Variants in CHD7 observed in about 807,000 individuals in gnomAD.
CHD7 encodes chromodomain helicase DNA binding protein 7, also known as ATP-dependent chromatin remodeler CHD7.
Under a neutral mutation model 307.3 loss-of-function variants are expected in CHD7, and 24 were observed. The ratio of observed to expected loss-of-function variants is 0.08; its 90% confidence interval spans 0.06 to 0.11. The LOEUF is 0.11. CHD7 is among the 10% of genes least tolerant of loss of function. The probability of loss-of-function intolerance (pLI) is 1.00; values close to 1 mark genes in which losing one functional copy is unlikely to be tolerated. For synonymous variants in CHD7, 1,363 were observed against 1,349.9 expected (o/e 1.01, Z -0.21); for missense variants, 3,106 against 3,727.1 (o/e 0.83, Z 4.34).
chr8:60,696,040 A>AT (rs1183714040), intron 1 of CHD7, among the ~76,000 whole-genome samples: 3 of 152,236 alleles, frequency 2.0e-5, no homozygotes, highest in Admixed American at 6.5e-5. Flanking sequence ...ACATTGAAAA[A>AT]TTGAGAATGG....
rs1805169361 is a variant in CHD7, at chr8:60,845,550, C to A, written c.5210+141C>A. On this transcript the variant is annotated intron_variant, in intron 23 of 37. Coordinates refer to ENST00000423902, the MANE Select transcript of CHD7 (RefSeq NM_017780.4). The stretch of plus-strand genomic sequence containing the variant: ...CTGAGGGACCTGAGCATCTGCGGAT[C>A]TTGGTGTCTGAGGGGGGTCCTGGAA... The A allele has an allele frequency of 4.5e-6, 4 of 891,566 alleles. No homozygotes were observed. In the South Asian group the frequency reaches 5.2e-5, roughly 12 times the overall value. 55.2% of individuals were successfully genotyped at this position (891,566 alleles called of 1,614,324 possible).
chr8:60,852,677 T>C lies in CHD7; in HGVS notation c.6074T>C (p.Val2025Ala). Reference protein sequence around the residue: ...FSCFVAMCRRVCRMPVKPDDE... With the variant: ...FSCFVAMCRRACRMPVKPDDE... ...TGTTTTGTGGCCATGTGTAGGCGAG[T>C]ATGTCGAATGCCCGTCAAGCCAGAT... The change falls in exon 30 of 38, where the codon GTA (valine) becomes GCA (alanine). Residue 2025 changes from valine to alanine, a missense_variant. By Grantham distance (64) the Val-to-Ala change is moderately conservative (BLOSUM62 0). This residue lies in a region of CHD7 where 1,030 missense variants were observed against 1,165.4 expected (regional missense o/e 0.88). Coordinates refer to ENST00000423902, the MANE Select transcript of CHD7 (RefSeq NM_017780.4). 1 of 1,613,802 alleles carries C rather than the reference T, an allele frequency of 6.2e-7. No individual in the cohort carries two copies. Among genetic ancestry groups the C allele is most frequent in the Non-Finnish European group, 8.5e-7 (1 of 1,179,864 alleles).
chr8:60,862,031 T>A (rs1011399443), intron 35 of CHD7, 165 bp from the exon 36 acceptor site: 7 of 565,790 alleles, frequency 1.2e-5, no homozygotes, highest in Admixed American at 3.7e-5. Flanking sequence ...AAAATAGGAG[T>A]TTTTTCTTTC....
intron 3 of CHD7, among the ~76,000 whole-genome samples, chr8:60,785,770 C>T (rs1563598887): frequency 6.6e-6 from 1 of 151,920 alleles, no homozygotes; most frequent in South Asian, 2.1e-4. Context: ...CAGATATCTT[C>T]CTGTCAGGTA....
At chr8:60,859,258 A>G (rs1010206260) in intron 34 of CHD7, among the ~76,000 whole-genome samples, 2 of 152,222 alleles carry the variant, frequency 1.3e-5, no homozygotes, top group African/African-American at 4.8e-5. Context: ...TAAACCAAGT[A>G]GGAAAAGATG....
In CHD7 at chr8:60,836,061, C is replaced by CA. The variant is rs761454141; in HGVS notation, c.3779-10dup. 6.3e-7 allele frequency: 1 copy of CA among 1,591,340 alleles called. No homozygotes were observed. Among genetic ancestry groups the CA allele is most frequent in the South Asian group, 1.1e-5 (1 of 88,476 alleles). ...TTTACAGTATTCACGTTATGCTGTC[C>CA]AATCTCTGCAGGTGCTGAAGAGAAA... On this transcript the variant is annotated splice_polypyrimidine_tract_variant and intron_variant, in intron 15 of 37. Transcript: ENST00000423902.
chr8:60,751,843 G>A lies in CHD7; in HGVS notation c.1665+8746G>A, dbSNP rs142595743. Among the ~76,000 whole-genome samples the A allele has an allele frequency of 7.4e-3, 1,120 of 152,278 alleles. 46 individuals are homozygous for A. The highest frequency in any genetic ancestry group is 0.064 in the Admixed American group (977 of 15,302). On this transcript the variant is annotated intron_variant, in intron 2 of 37. Coordinates refer to ENST00000423902, the MANE Select transcript of CHD7 (RefSeq NM_017780.4). The stretch of plus-strand genomic sequence containing the variant: ...GGCAAAATGCCAAGAAATTGACAGC[G>A]TTGCATTTAAAAAAGTCAACGTAGA...
At chr8:60,680,631 C>T (rs959598208) in intron 1 of CHD7, among the ~76,000 whole-genome samples, 9 of 152,164 alleles carry the variant, frequency 5.9e-5, no homozygotes, top group African/African-American at 2.2e-4. Context: ...GGAGAGTGCT[C>T]CTGCTATGGG....
chr8:60,710,396 A>G (rs1807227169), intron 1 of CHD7, among the ~76,000 whole-genome samples: 1 of 152,150 alleles, frequency 6.6e-6, no homozygotes, highest in South Asian at 2.1e-4. Flanking sequence ...TTCACTCAAG[A>G]CACCCCATTT....
chr8:60,787,473 G>A lies in CHD7; in HGVS notation c.2096+6043G>A, dbSNP rs1402624991. Among the ~76,000 whole-genome samples, 4 of 152,266 alleles carry A rather than the reference G, an allele frequency of 2.6e-5. No homozygotes were observed. The South Asian group carries it at 6.2e-4, about 24-fold the overall frequency. ...CACTATGATAAAAGGCCATTGAAAG[G>A]CCTATTTTTTATATAGTTTTGTAGT... On this transcript the variant is annotated intron_variant, in intron 3 of 37. Transcript: ENST00000423902.
chr8:60,679,155 C>T, intron 1 of CHD7, 73 bp downstream of exon 1: 1 of 155,776 alleles, frequency 6.4e-6, no homozygotes, highest in Non-Finnish European at 1.4e-5. Flanking sequence ...TCGCTCCGGG[C>T]CGGGGCCGGG....
chr8:60,812,715 C>T (rs1485221854), intron 7 of CHD7, among the ~76,000 whole-genome samples: 1 of 148,694 alleles, frequency 6.7e-6, no homozygotes, highest in African/African-American at 2.5e-5. Context: ...GAGATCCAAA[C>T]TTTATTTTGT....
At position 60,855,996 on chromosome 8, in the gene CHD7, T is replaced by C. The variant is rs751001855; in HGVS notation, c.6958T>C (p.Leu2320=). ...CCAGGATAGAGTAATGATAAACCGC[T>C]TAGACAACATCTGTGAAGCAGTGTT... ...WPKDRVMINR[L]DNICEAVLKG... Residue 2320 remains leucine (L), a synonymous_variant, in exon 33 of 38, where the codon TTA becomes CTA. Coordinates refer to ENST00000423902, the MANE Select transcript of CHD7 (RefSeq NM_017780.4). 1 of 1,609,264 alleles carries C rather than the reference T, an allele frequency of 6.2e-7. No homozygotes were observed. Among genetic ancestry groups the C allele is most frequent in the Non-Finnish European group, 8.5e-7 (1 of 1,177,532 alleles).
At chr8:60,764,990 T>C (rs1336231360) in intron 2 of CHD7, among the ~76,000 whole-genome samples, 2 of 152,206 alleles carry the variant, frequency 1.3e-5, no homozygotes, top group East Asian at 3.8e-4. Flanking sequence ...TGTTGAGCGC[T>C]CTGGAGGTGC....
At chr8:60,759,371 C>T (rs897897341) in intron 2 of CHD7, among the ~76,000 whole-genome samples, 112 of 152,024 alleles carry the variant, frequency 7.4e-4, no homozygotes, top group Non-Finnish European at 1.6e-4. Flanking sequence ...GTTTGCTTCT[C>T]TCCCTCTCCA....
In CHD7 at chr8:60,741,552, A is replaced by C. The variant is rs753525257; in HGVS notation, c.120A>C (p.Gln40His). Residue 40 changes from glutamine (Q) to histidine (H), a missense_variant, in exon 2 of 38, where the codon CAA (glutamine) becomes CAC (histidine). By Grantham distance (24) the Gln-to-His change is conservative. Coordinates refer to ENST00000423902, the MANE Select transcript of CHD7 (RefSeq NM_017780.4). ...ATCCAGTAAATCCTATGGGTCAGCA[A>C]ATGCCAATAGACCAAGGCTTTGCCT... ...PENPVNPMGQQMPIDQGFASL... is the reference protein window; with the variant it reads ...PENPVNPMGQHMPIDQGFASL... 5 of 1,613,472 alleles carry C rather than the reference A, an allele frequency of 3.1e-6. No homozygotes were observed. In the East Asian group the frequency reaches 8.9e-5, roughly 29 times the overall value.
rs1375445643 is a variant in CHD7 at position 60,848,509 on chromosome 8, C to T, written c.5211-6C>T. The stretch of plus-strand genomic sequence containing the variant: ...AACTTTTTCCCCCCTCTGTCTTCCT[C>T]TCCAGGGTCCTGCTGCGTGTCCGCA... On this transcript the variant is annotated splice_region_variant and splice_polypyrimidine_tract_variant and intron_variant, in intron 23 of 37. Coordinates refer to ENST00000423902, the MANE Select transcript of CHD7 (RefSeq NM_017780.4). The T allele has an allele frequency of 3.1e-6, 5 of 1,610,982 alleles. No individual in the cohort carries two copies. The South Asian group carries it at 3.3e-5, about 11-fold the overall frequency.
intron 2 of CHD7, among the ~76,000 whole-genome samples, chr8:60,743,351 A>C (rs918559644): frequency 1.3e-5 from 2 of 152,256 alleles, no homozygotes; most frequent in Non-Finnish European, 2.9e-5. Context: ...CACCGCTAGC[A>C]GGGAGATGGA....
At chr8:60,688,255 A>G (rs1020239930) in intron 1 of CHD7, among the ~76,000 whole-genome samples, 2 of 152,138 alleles carry the variant, frequency 1.3e-5, no homozygotes, top group Non-Finnish European at 2.9e-5. Context: ...TGGACATAAT[A>G]CATTCTCCTA....
Sources: gnomAD v4.1 joint callset for allele counts (sites outside exome capture counted in the v4.1 genomes callset) on GRCh38, gnomAD v4.1.1 for gene constraint, gnomAD v4.1.1 regional missense constraint, MANE v1.5 for transcripts, NCBI Gene and HGNC (gene_info 2026-07-23, HGNC 2026-07-21) for gene names.